The following CRACD variants were observed in gnomAD, a reference collection of about 807,000 sequenced individuals.
CRACD encodes the protein capping protein inhibiting regulator of actin dynamics.
A neutral mutation model predicts 106.8 loss-of-function variants in CRACD; 56 were observed. The ratio of observed to expected loss-of-function variants is 0.52; its 90% CI spans 0.42 to 0.66. The LOEUF (loss-of-function observed/expected upper bound fraction) is 0.66, where lower values mean the gene tolerates loss of function less well. CRACD is among the 30% of genes least tolerant of loss of function. The probability of loss-of-function intolerance (pLI) is 0.00; values close to 1 mark genes in which losing one functional copy is unlikely to be tolerated. For synonymous variants in CRACD, 754 were observed against 670.8 expected (o/e 1.12, Z -1.92); for missense variants, 1,730 against 1,623.2 (o/e 1.07, Z -1.13).
chr4:56,278,760 A>T, intron 3 of CRACD, among the ~76,000 whole-genome samples: 1 of 152,230 alleles, frequency 6.6e-6, no homozygotes, highest in East Asian at 1.9e-4. Flanking sequence ...AGTAAAAATA[A>T]AAAACAAAAC....
chr4:56,245,755 A>G (rs1380391245), intron 2 of CRACD, among the ~76,000 whole-genome samples: 1 of 152,176 alleles, frequency 6.6e-6, no homozygotes, highest in East Asian at 1.9e-4. Flanking sequence ...CTTAGTACCT[A>G]TATTCTGTCT....
At chr4:56,237,235 TGAA>T (rs1177557174) in intron 2 of CRACD, among the ~76,000 whole-genome samples, 1 of 152,072 alleles carries the variant, frequency 6.6e-6, no homozygotes, top group Non-Finnish European at 1.5e-5. Flanking sequence ...TATAATAAAA[TGAA>T]GAAAACAAAT....
rs1459398976 is a variant in CRACD, at chr4:56,280,520, C to T, written c.-17+8028C>T. On this transcript the variant is annotated intron_variant, in intron 3 of 10. Coordinates refer to ENST00000682029, the MANE Select transcript of CRACD (RefSeq NM_001393381.1). ...AGGCCCCTTCCCCTGACATTGTTCT[C>T]ACAACTTCCTTGACCTTTCCCTAAA... Among the ~76,000 whole-genome samples, 9 of 152,196 alleles carry T rather than the reference C, an allele frequency of 5.9e-5. No individual in the cohort carries two copies. The East Asian group carries it at 1.7e-3, about 29-fold the overall frequency.
At position 56,136,450 on chromosome 4, in the gene CRACD, C is replaced by G. The variant is rs569143292; in HGVS notation, c.-335-42834C>G. Among the ~76,000 whole-genome samples, 5 of 152,244 alleles carry G rather than the reference C, an allele frequency of 3.3e-5. No homozygotes were observed. In the South Asian group the frequency reaches 1.0e-3, roughly 32 times the overall value. On this transcript the variant is annotated intron_variant, in intron 1 of 10. Transcript: ENST00000682029. ...ATTGTCAGTCTTTTAAATTTGAGCCCTTCTAGTGGGTGTGTCATGGTATCT... is the reference window on the plus strand; with the variant it reads ...ATTGTCAGTCTTTTAAATTTGAGCCGTTCTAGTGGGTGTGTCATGGTATCT...
At chr4:56,228,788 A>G (rs1739454961) in intron 2 of CRACD, among the ~76,000 whole-genome samples, 1 of 152,146 alleles carries the variant, frequency 6.6e-6, no homozygotes, top group Non-Finnish European at 1.5e-5. Flanking sequence ...AGCAGAGAAC[A>G]TCTGATGATA....
intron 2 of CRACD, among the ~76,000 whole-genome samples, chr4:56,225,232 A>G (rs1265287872): frequency 6.6e-6 from 1 of 152,080 alleles, no homozygotes; most frequent in Non-Finnish European, 1.5e-5. Context: ...AGCTGGGATT[A>G]TAGTACGTAC....
chr4:56,307,192 G>C (rs988603123), intron 4 of CRACD, among the ~76,000 whole-genome samples: 1 of 152,042 alleles, frequency 6.6e-6, no homozygotes, highest in Admixed American at 6.6e-5. Context: ...TGAATTTATA[G>C]GTTAATGAAA....
At chr4:56,057,746 C>T (rs558440342) in intron 1 of CRACD, among the ~76,000 whole-genome samples, 36 of 149,998 alleles carry the variant, frequency 2.4e-4, no homozygotes, top group African/African-American at 7.8e-4. Flanking sequence ...GCCTCAGCCT[C>T]CTGAGTAGCT....
At chr4:56,301,257 AGAAGTGATAGTAAC>A (rs1213402902) in intron 4 of CRACD, 1 of 1,283,856 alleles carries the variant, frequency 7.8e-7, no homozygotes, top group Non-Finnish European at 1.0e-6. Flanking sequence ...GGTAAGTCGT[AGAAGTGATAGTAAC>A]TTTATTAACT....
At chr4:56,161,035 C>G (rs143712240) in intron 1 of CRACD, among the ~76,000 whole-genome samples, 3 of 152,214 alleles carry the variant, frequency 2.0e-5, no homozygotes, top group African/African-American at 7.2e-5. Flanking sequence ...AGAAATATTC[C>G]TCATCCTAAA....
intron 1 of CRACD, among the ~76,000 whole-genome samples, chr4:56,129,459 C>A (rs1252673798): frequency 6.6e-6 from 1 of 152,172 alleles, no homozygotes; most frequent in African/African-American, 2.4e-5. Flanking sequence ...TCTTTGTTGT[C>A]TGGATTTAGA....
intron 1 of CRACD, among the ~76,000 whole-genome samples, chr4:56,164,616 G>C (rs2109908420): frequency 6.6e-6 from 1 of 152,232 alleles, no homozygotes; most frequent in East Asian, 1.9e-4. Flanking sequence ...CAAAACTATA[G>C]GGACAGAAAT....
At chr4:56,060,151 G>T (rs567965491) in intron 1 of CRACD, among the ~76,000 whole-genome samples, 2 of 152,130 alleles carry the variant, frequency 1.3e-5, no homozygotes, top group Non-Finnish European at 2.9e-5. Flanking sequence ...TTGGGTCATC[G>T]GTGCAGTCAG....
intron 1 of CRACD, among the ~76,000 whole-genome samples, chr4:56,091,864 G>A (rs1395410015): frequency 6.6e-6 from 1 of 152,138 alleles, no homozygotes; most frequent in African/African-American, 2.4e-5. Context: ...CCTTCTGTGT[G>A]TCAAACACTG....
chr4:56,306,809 GGCT>G (rs1744742994), intron 4 of CRACD, among the ~76,000 whole-genome samples: 1 of 152,086 alleles, frequency 6.6e-6, no homozygotes. Flanking sequence ...GTCCCTCCCT[GGCT>G]TTTCCCCATT....
chr4:56,154,520 AT>A (rs10714435), intron 1 of CRACD, among the ~76,000 whole-genome samples: 124,157 of 152,022 alleles, frequency 0.82, 51,344 homozygotes, highest in African/African-American at 0.95. Context: ...TTTATAAGCT[AT>A]TTTTTTTCTA....
intron 5 of CRACD, among the ~76,000 whole-genome samples, chr4:56,310,018 CAA>C (rs34745980): frequency 2.8e-4 from 31 of 112,100 alleles, no homozygotes; most frequent in Non-Finnish European, 2.9e-4. Context: ...GACCCTGTCT[CAA>C]AAAAAAAAAA....
At chr4:56,123,622 C>T (rs761764167) in intron 1 of CRACD, among the ~76,000 whole-genome samples, 18 of 152,090 alleles carry the variant, frequency 1.2e-4, no homozygotes, top group Non-Finnish European at 7.4e-5. Context: ...TTATTAATCT[C>T]GTTTTATAGA....
chr4:56,079,193 C>T (rs997335529), intron 1 of CRACD, among the ~76,000 whole-genome samples: 1 of 152,086 alleles, frequency 6.6e-6, no homozygotes, highest in Non-Finnish European at 1.5e-5. Context: ...GACGTTTTCC[C>T]AAAACAACTT....
Sources: allele counts gnomAD v4.1 joint callset (sites outside exome capture counted in the v4.1 genomes callset), GRCh38; gene constraint gnomAD v4.1.1; transcripts MANE v1.5; gene names NCBI Gene and HGNC (gene_info 2026-07-23, HGNC 2026-07-21).